Variants in CCDC126 observed in about 807,000 individuals in gnomAD.
The protein encoded by CCDC126 is coiled-coil domain-containing protein 126.
In CCDC126, 5 loss-of-function variants were observed where a neutral mutation model predicts 11.7. That is an observed-to-expected ratio of 0.43 (90% CI 0.22 to 0.90). CCDC126 has a LOEUF of 0.90. Ranked by LOEUF, CCDC126 falls within the 40% of genes least tolerant of loss-of-function variation. The probability of loss-of-function intolerance (pLI) is 0.27; values close to 1 mark genes in which losing one functional copy is unlikely to be tolerated. For synonymous variants in CCDC126, 60 were observed against 61.9 expected (o/e 0.97, Z 0.14); for missense variants, 150 against 163.1 (o/e 0.92, Z 0.44).
chr7:23,619,523 GC>G, intron 3 of CCDC126: 1 of 317,296 alleles, frequency 3.2e-6, no homozygotes, highest in African/African-American at 2.3e-5. Context: ...GCACAGCTGG[GC>G]CCACCTTACT....
intron 3 of CCDC126, among the ~76,000 whole-genome samples, chr7:23,638,824 T>A (rs1256731382): frequency 7.5e-6 from 1 of 134,168 alleles, no homozygotes; most frequent in Non-Finnish European, 1.5e-5. Context: ...ATATAGGTGA[T>A]ATGTTGTTTG....
At chr7:23,641,849 C>G (rs1783363618) in intron 3 of CCDC126, among the ~76,000 whole-genome samples, 1 of 152,202 alleles carries the variant, frequency 6.6e-6, no homozygotes, top group African/African-American at 2.4e-5. Flanking sequence ...AAATTTAAGT[C>G]AGAACTACTG....
At chr7:23,610,602 A>AT (rs1203633634) in intron 2 of CCDC126, among the ~76,000 whole-genome samples, 1 of 152,060 alleles carries the variant, frequency 6.6e-6, no homozygotes, top group Non-Finnish European at 1.5e-5. Flanking sequence ...ATTATAACTT[A>AT]TTTTTTATCT....
rs910024980 is a variant in CCDC126, at chr7:23,635,962, C to T, written c.239-6969C>T. Among the ~76,000 whole-genome samples the T allele has an allele frequency of 1.5e-3, 229 of 152,114 alleles. 2 individuals carry two copies. Among genetic ancestry groups the T allele is most frequent in the African/African-American group, 5.0e-3 (209 of 41,532 alleles). ...AAGCTGGACGGTACTGCTGCCATCT[C>T]GGCTCACTGCAACCTCCCTGCCTGA... On this transcript the variant is annotated intron_variant, in intron 3 of 3. Coordinates refer to ENST00000307471, the MANE Select transcript of CCDC126 (RefSeq NM_138771.4).
At chr7:23,607,231 A>T (rs1782638514) in intron 2 of CCDC126, among the ~76,000 whole-genome samples, 1 of 152,234 alleles carries the variant, frequency 6.6e-6, no homozygotes, top group African/African-American at 2.4e-5. Context: ...TTTAGATTGT[A>T]GACTGTTTTG....
chr7:23,619,347 G>T, intron 3 of CCDC126: 2 of 355,328 alleles, frequency 5.6e-6, no homozygotes, highest in South Asian at 5.2e-5. Flanking sequence ...GGAAGCAAAA[G>T]AACACAAGGA....
chr7:23,611,177 T>C lies in CCDC126; in HGVS notation c.-139T>C. On this transcript the variant is annotated 5_prime_UTR_variant, in exon 3 of 4. Transcript: ENST00000307471. ...TTTCTTCTTAATTTTACAGAGTTAATAGAGTGGATACAACCTTGCTGAAGA... is the reference window on the plus strand; with the variant it reads ...TTTCTTCTTAATTTTACAGAGTTAACAGAGTGGATACAACCTTGCTGAAGA... The C allele has an allele frequency of 1.6e-6, 1 of 634,326 alleles. No individual in the cohort carries two copies. The highest frequency in any genetic ancestry group is 1.9e-5 in the South Asian group (1 of 52,714). 39.3% of individuals were successfully genotyped at this position (634,326 alleles called of 1,614,324 possible).
chr7:23,621,704 T>C lies in CCDC126; in HGVS notation c.238+10151T>C, dbSNP rs184670437. Among the ~76,000 whole-genome samples, 1,398 of 152,314 alleles carry C rather than the reference T, an allele frequency of 9.2e-3. 19 individuals are homozygous for C. The highest frequency in any genetic ancestry group is 0.032 in the African/African-American group (1,342 of 41,564). On this transcript the variant is annotated intron_variant, in intron 3 of 3. Coordinates refer to ENST00000307471, the MANE Select transcript of CCDC126 (RefSeq NM_138771.4). ...CAGTTTTTGCCCATTCAGTATGATA[T>C]TGGCTGTGGGTTTGTCATAAATAGC...
rs1319110004 is a variant in CCDC126 at position 23,644,708 on chromosome 7, A to T, written c.*1593A>T. 1.3e-5 allele frequency: 2 copies of T among 152,366 alleles called. No individual in the cohort carries two copies. Among genetic ancestry groups the T allele is most frequent in the Non-Finnish European group, 2.9e-5 (2 of 68,008 alleles). 9.4% of individuals were successfully genotyped at this position (152,366 alleles called of 1,614,324 possible). On this transcript the variant is annotated 3_prime_UTR_variant, in exon 4 of 4. Transcript: ENST00000307471. ...GAAATAAAATATATTATTTCTACCTACAAAGTATTACAGTCTTTTTTCTTT... is the reference window on the plus strand; with the variant it reads ...GAAATAAAATATATTATTTCTACCTTCAAAGTATTACAGTCTTTTTTCTTT...
intron 2 of CCDC126, among the ~76,000 whole-genome samples, chr7:23,606,939 A>G (rs1782633764): frequency 1.3e-5 from 2 of 151,724 alleles, no homozygotes; most frequent in South Asian, 2.1e-4. Flanking sequence ...AAAAAAAAAA[A>G]GTACAAAAAT....
intron 3 of CCDC126, among the ~76,000 whole-genome samples, chr7:23,640,130 C>T (rs1490822769): frequency 6.6e-6 from 1 of 151,462 alleles, no homozygotes; most frequent in African/African-American, 2.4e-5. Flanking sequence ...TTGCAGTGAT[C>T]CGAAATTGCT....
At chr7:23,604,867 G>A (rs1416814197) in intron 2 of CCDC126, among the ~76,000 whole-genome samples, 5 of 151,960 alleles carry the variant, frequency 3.3e-5, no homozygotes, top group South Asian at 2.1e-4. Context: ...GTGTGGTGGC[G>A]GGCGCCTGTA....
rs377171997 is a variant in CCDC126, at chr7:23,616,490, G to T, written c.238+4937G>T. On this transcript the variant is annotated intron_variant, in intron 3 of 3. Coordinates refer to ENST00000307471, the MANE Select transcript of CCDC126 (RefSeq NM_138771.4). ...AGATAGGTAAAAGTTTTGAATTCTT[G>T]TATATCTTGAAAAGATCTTTTTCCC... 7.2e-5 allele frequency among the ~76,000 whole-genome samples: 11 copies of T among 152,154 alleles called. No homozygotes were observed. In the East Asian group the frequency reaches 9.6e-4, roughly 13 times the overall value.
chr7:23,637,034 T>G (rs1584218293), intron 3 of CCDC126, among the ~76,000 whole-genome samples: 5 of 60,652 alleles, frequency 8.2e-5, no homozygotes, highest in Non-Finnish European at 1.6e-4. Context: ...GGAGGGGGGG[T>G]CAGCCCCCCG....
chr7:23,641,591 G>A (rs1783357014), intron 3 of CCDC126, among the ~76,000 whole-genome samples: 1 of 152,162 alleles, frequency 6.6e-6, no homozygotes, highest in Admixed American at 6.5e-5. Context: ...GTTGTTAGAT[G>A]ATTTCTCTCC....
In CCDC126 at chr7:23,644,702, C is replaced by G. The variant is rs1418818735; in HGVS notation, c.*1587C>G. ...AGGGATGAAATAAAATATATTATTT[C>G]TACCTACAAAGTATTACAGTCTTTT... On this transcript the variant is annotated 3_prime_UTR_variant, in exon 4 of 4. Coordinates refer to ENST00000307471, the MANE Select transcript of CCDC126 (RefSeq NM_138771.4). 3 of 152,268 alleles carry G rather than the reference C, an allele frequency of 2.0e-5. No homozygotes were observed. The highest frequency in any genetic ancestry group is 2.4e-5 in the African/African-American group (1 of 41,412). The allele number at this position is 152,268 out of a possible 1,614,324, so 9.4% of individuals were successfully genotyped here. A position where few individuals can be genotyped will look rare whatever the true frequency, so the allele number is the denominator to read the frequency against.
chr7:23,625,845 G>C (rs547383953), intron 3 of CCDC126, among the ~76,000 whole-genome samples: 7 of 151,642 alleles, frequency 4.6e-5, no homozygotes, highest in Admixed American at 2.0e-4. Context: ...TTTTAGTAGA[G>C]ACGGGGTTTC....
chr7:23,619,089 G>A (rs1047266021), intron 3 of CCDC126, among the ~76,000 whole-genome samples: 2 of 152,152 alleles, frequency 1.3e-5, no homozygotes, highest in Non-Finnish European at 2.9e-5. Flanking sequence ...AGTTTCCAGT[G>A]TAAACCCAGG....
At chr7:23,623,310 A>C (rs533188911) in intron 3 of CCDC126, among the ~76,000 whole-genome samples, 1 of 152,142 alleles carries the variant, frequency 6.6e-6, no homozygotes, top group South Asian at 2.1e-4. Context: ...TCTCATAAAA[A>C]TTTTAGACCA....
Sources: allele counts gnomAD v4.1 joint callset (sites outside exome capture counted in the v4.1 genomes callset), GRCh38; gene constraint gnomAD v4.1.1; transcripts MANE v1.5; gene names NCBI Gene and HGNC (gene_info 2026-07-23, HGNC 2026-07-21).